SNX14: variants seen among roughly 807,000 people sequenced by gnomAD.
The protein encoded by SNX14 is sorting nexin 14, also known as sorting nexin-14.
In SNX14, 93 loss-of-function variants were observed where a neutral mutation model predicts 133.8. The observed-to-expected ratio is 0.70, with a 90% CI of 0.59 to 0.83. The LOEUF (loss-of-function observed/expected upper bound fraction) is 0.83, where lower values mean the gene tolerates loss of function less well. Ranked by LOEUF, SNX14 falls within the 40% of genes least tolerant of loss-of-function variation. SNX14 has a pLI of 0.00. For synonymous variants in SNX14, 368 were observed against 365.6 expected (o/e 1.01, Z -0.07); for missense variants, 945 against 1,094.9 (o/e 0.86, Z 1.93).
intron 18 of SNX14, among the ~76,000 whole-genome samples, chr6:85,531,232 C>T (rs1028359198): frequency 2.0e-5 from 3 of 152,182 alleles, no homozygotes; most frequent in Non-Finnish European, 2.9e-5. Context: ...CAGTTAACCC[C>T]ACCCCCATTT....
At chr6:85,576,672 AAAGG>A (rs1365556105) in intron 1 of SNX14, among the ~76,000 whole-genome samples, 9 of 152,178 alleles carry the variant, frequency 5.9e-5, no homozygotes, top group Admixed American at 5.9e-4. Context: ...GAGAGGAGAA[AAAGG>A]AAGGGGAAGA....
intron 4 of SNX14, chr6:85,568,228 G>C (rs1452322668): frequency 6.6e-6 from 1 of 152,136 alleles, no homozygotes; most frequent in Non-Finnish European, 1.5e-5. Context: ...CCAAAAACGT[G>C]CTATGGAAAG....
intron 10 of SNX14, 46 bp from the exon 11 acceptor site, chr6:85,547,443 T>A: frequency 6.2e-7 from 1 of 1,606,884 alleles, no homozygotes. Context: ...TCCCACTTGA[T>A]TTGACATACA....
rs753047061 is a variant in SNX14 at position 85,528,377 on chromosome 6, T to C, written c.1895-15A>G. 3 of 1,571,824 alleles carry C rather than the reference T, an allele frequency of 1.9e-6. No individual in the cohort carries two copies. The highest frequency in any genetic ancestry group is 2.6e-6 in the Non-Finnish European group (3 of 1,147,922). ...AGGAAATGCACCTGAAATTAGTATA[T>C]ATTATAGTTATTACTGTGTTCTGCT... is the stretch of plus-strand genomic sequence containing the variant. On this transcript the variant is annotated splice_polypyrimidine_tract_variant and intron_variant, in intron 19 of 28. Transcript: ENST00000314673.
intron 4 of SNX14, among the ~76,000 whole-genome samples, chr6:85,571,109 T>C (rs1053242688): frequency 2.0e-5 from 3 of 151,692 alleles, no homozygotes; most frequent in African/African-American, 4.8e-5. Flanking sequence ...ACCCAGCACT[T>C]TGGGAGGCCG....
intron 21 of SNX14, among the ~76,000 whole-genome samples, chr6:85,518,723 A>G (rs1273438352): frequency 3.9e-5 from 6 of 152,236 alleles, no homozygotes; most frequent in Non-Finnish European, 8.8e-5. Flanking sequence ...CATTAATAAT[A>G]AAGAATAAAA....
At chr6:85,573,273 A>T (rs1472871414) in intron 2 of SNX14, among the ~76,000 whole-genome samples, 1 of 152,218 alleles carries the variant, frequency 6.6e-6, no homozygotes, top group Non-Finnish European at 1.5e-5. Flanking sequence ...TGAGGTCAGG[A>T]GTTCGAGACC....
At chr6:85,569,874 C>T (rs1196231978) in intron 4 of SNX14, among the ~76,000 whole-genome samples, 1 of 152,136 alleles carries the variant, frequency 6.6e-6, no homozygotes, top group Non-Finnish European at 1.5e-5. Context: ...AATATTGTTT[C>T]CTCATTGCCC....
chr6:85,515,388 A>G (rs952315032), intron 23 of SNX14, among the ~76,000 whole-genome samples: 7 of 151,880 alleles, frequency 4.6e-5, no homozygotes, highest in African/African-American at 1.7e-4. Flanking sequence ...ACAAAGGCCT[A>G]ATCAATGTTG....
chr6:85,587,123 T>A (rs1801145199), intron 1 of SNX14, among the ~76,000 whole-genome samples: 1 of 151,874 alleles, frequency 6.6e-6, no homozygotes, highest in Admixed American at 6.6e-5. Flanking sequence ...CAAGTGATCC[T>A]CCCACCTCCA....
At chr6:85,508,756 T>C (rs1414653345) in intron 26 of SNX14, among the ~76,000 whole-genome samples, 1 of 152,190 alleles carries the variant, frequency 6.6e-6, no homozygotes, top group Non-Finnish European at 1.5e-5. Flanking sequence ...CATGTACCAC[T>C]GATATCAATT....
intron 17 of SNX14, among the ~76,000 whole-genome samples, chr6:85,535,306 C>T (rs1240188266): frequency 6.6e-6 from 1 of 151,872 alleles, no homozygotes; most frequent in Non-Finnish European, 1.5e-5. Context: ...TGAGCCACCA[C>T]ACCCAGCATA....
chr6:85,587,817 G>A (rs1801441937), intron 1 of SNX14, among the ~76,000 whole-genome samples: 1 of 152,202 alleles, frequency 6.6e-6, no homozygotes, highest in Non-Finnish European at 1.5e-5. Context: ...AAAAATTAGA[G>A]AATTTGAATA....
intron 18 of SNX14, among the ~76,000 whole-genome samples, chr6:85,531,603 T>C (rs1322868696): frequency 1.3e-5 from 2 of 152,258 alleles, no homozygotes; most frequent in Admixed American, 6.5e-5. Flanking sequence ...GAAATTGTTA[T>C]TTTGTTATCC....
chr6:85,590,280 C>T (rs1250167246), intron 1 of SNX14, among the ~76,000 whole-genome samples: 1 of 152,158 alleles, frequency 6.6e-6, no homozygotes, highest in African/African-American at 2.4e-5. Context: ...GAAGAATTTG[C>T]GTACACCTTC....
chr6:85,519,566 C>T (rs941097891), intron 21 of SNX14, among the ~76,000 whole-genome samples: 6 of 152,104 alleles, frequency 3.9e-5, no homozygotes, highest in Admixed American at 2.0e-4. Flanking sequence ...GGATTTGAGG[C>T]TGCAGTGAAC....
chr6:85,521,929 G>C (rs1777014052), intron 21 of SNX14, among the ~76,000 whole-genome samples: 1 of 152,144 alleles, frequency 6.6e-6, no homozygotes, highest in Admixed American at 6.5e-5. Context: ...TTATGTGATT[G>C]ATAGTGGTCT....
chr6:85,567,790 C>A, intron 4 of SNX14: 1 of 328,224 alleles, frequency 3.0e-6, no homozygotes, highest in Non-Finnish European at 5.7e-6. Context: ...TGAGACCAGC[C>A]TGGGTAACAT....
At position 85,574,357 on chromosome 6, in the gene SNX14, G is replaced by C. The variant is rs1796645797; in HGVS notation, c.162C>G (p.Ile54Met). Residue 54 changes from isoleucine to methionine, a missense_variant, in exon 2 of 29, where the codon ATC becomes ATG. Physicochemically the swap from Ile to Met is conservative, Grantham distance 10. Coordinates refer to ENST00000314673, the MANE Select transcript of SNX14 (RefSeq NM_153816.6). ...LLNRYIHILM[I>M]FWSFVAGVVT... ...CAACTCCAGCAACAAATGACCAGAA[G>C]ATCATTAAAATATGAATATACCTTA... 2 of 1,563,856 alleles carry C rather than the reference G, an allele frequency of 1.3e-6. No individual in the cohort carries two copies. Among genetic ancestry groups the C allele is most frequent in the African/African-American group, 1.4e-5 (1 of 73,914 alleles).
Sources: allele counts gnomAD v4.1 joint callset (sites outside exome capture counted in the v4.1 genomes callset), GRCh38; gene constraint gnomAD v4.1.1; transcripts MANE v1.5; gene names NCBI Gene and HGNC (gene_info 2026-07-23, HGNC 2026-07-21).